The following RSU1 variants were observed in gnomAD, a reference collection of about 807,000 sequenced individuals.
The protein encoded by RSU1 is Ras suppressor protein 1, also known as rsu-1.
RSU1 carries 26 observed loss-of-function variants against 31.1 expected under a neutral mutation model. The ratio of observed to expected loss-of-function variants is 0.84; its 90% CI spans 0.61 to 1.16. The LOEUF (loss-of-function observed/expected upper bound fraction) is 1.16, where lower values mean the gene tolerates loss of function less well. Ranked by LOEUF, RSU1 falls within the 50% of genes most tolerant of loss-of-function variation. The pLI is 0.00. For synonymous variants in RSU1, 164 were observed against 136.3 expected (o/e 1.20, Z -1.41); for missense variants, 320 against 339.1 (o/e 0.94, Z 0.44).
chr10:16,638,714 G>A (rs915230067), intron 8 of RSU1, among the ~76,000 whole-genome samples: 14 of 152,288 alleles, frequency 9.2e-5, no homozygotes, highest in East Asian at 3.9e-4. Flanking sequence ...GCTCAATCTC[G>A]TCCATATAAC....
chr10:16,759,597 A>T (rs1225405055), intron 4 of RSU1, among the ~76,000 whole-genome samples: 10 of 152,248 alleles, frequency 6.6e-5, no homozygotes, highest in African/African-American at 2.4e-4. Context: ...AAGCTCTAGC[A>T]ACAAACGAGG....
intron 7 of RSU1, among the ~76,000 whole-genome samples, chr10:16,709,725 T>C (rs1311352214): frequency 2.0e-5 from 3 of 152,222 alleles, no homozygotes; most frequent in African/African-American, 4.8e-5. Flanking sequence ...GTGGTTTTGA[T>C]TTGCATTTCT....
chr10:16,594,339 A>C (rs1396976576), intron 8 of RSU1, among the ~76,000 whole-genome samples: 1 of 151,874 alleles, frequency 6.6e-6, no homozygotes, highest in Non-Finnish European at 1.5e-5. Context: ...CAGCTCCAGC[A>C]TCCACACAAG....
intron 7 of RSU1, among the ~76,000 whole-genome samples, chr10:16,736,715 T>C (rs1836635657): frequency 6.6e-6 from 1 of 151,668 alleles, no homozygotes; most frequent in Non-Finnish European, 1.5e-5. Context: ...GAAAAATCCA[T>C]CAATGCAAAC....
intron 8 of RSU1, among the ~76,000 whole-genome samples, chr10:16,693,050 C>T (rs1835595674): frequency 6.6e-6 from 1 of 152,176 alleles, no homozygotes; most frequent in African/African-American, 2.4e-5. Context: ...GCAACCTCTG[C>T]CTCCCTGGCT....
chr10:16,793,471 C>T (rs927364952), intron 2 of RSU1, among the ~76,000 whole-genome samples: 1 of 152,060 alleles, frequency 6.6e-6, no homozygotes, highest in Non-Finnish European at 1.5e-5. Flanking sequence ...TCCATCAGGA[C>T]ATTAAGGAGA....
chr10:16,730,964 T>C (rs977114357), intron 7 of RSU1, among the ~76,000 whole-genome samples: 6 of 151,950 alleles, frequency 3.9e-5, no homozygotes, highest in Non-Finnish European at 8.8e-5. Flanking sequence ...GCTGGGATTA[T>C]AGATGCCCGC....
At chr10:16,685,537 A>G (rs778385696) in intron 8 of RSU1, among the ~76,000 whole-genome samples, 2 of 151,244 alleles carry the variant, frequency 1.3e-5, no homozygotes, top group Non-Finnish European at 2.9e-5. Flanking sequence ...TCTAGACCAT[A>G]TAGGGTAACT....
At chr10:16,629,215 G>A (rs1834207716) in intron 8 of RSU1, among the ~76,000 whole-genome samples, 1 of 152,162 alleles carries the variant, frequency 6.6e-6, no homozygotes, top group African/African-American at 2.4e-5. Context: ...TGGGGCCTCA[G>A]ACTCTGCATT....
chr10:16,679,870 T>G (rs12780918), intron 8 of RSU1, among the ~76,000 whole-genome samples: 1 of 11,718 alleles, frequency 8.5e-5, no homozygotes, highest in Non-Finnish European at 1.9e-4. Context: ...AAGACTCAAG[T>G]TTTTTTTTTT....
chr10:16,806,232 C>T (rs1482422957), intron 2 of RSU1, among the ~76,000 whole-genome samples: 1 of 152,068 alleles, frequency 6.6e-6, no homozygotes, highest in African/African-American at 2.4e-5. Flanking sequence ...AATCATTAGC[C>T]CAGACAGGAC....
intron 7 of RSU1, chr10:16,723,044 A>T (rs1181401219): frequency 6.7e-6 from 1 of 148,310 alleles, no homozygotes; most frequent in Non-Finnish European, 1.5e-5. Flanking sequence ...GTATATAGAC[A>T]TACATACACA....
intron 7 of RSU1, among the ~76,000 whole-genome samples, chr10:16,720,234 A>T (rs1365530096): frequency 2.6e-5 from 4 of 152,246 alleles, no homozygotes; most frequent in African/African-American, 9.6e-5. Context: ...CAACTGGCTG[A>T]TTATCCCTAA....
chr10:16,816,485 G>C (rs1012041825), intron 2 of RSU1, among the ~76,000 whole-genome samples: 2 of 152,184 alleles, frequency 1.3e-5, no homozygotes, highest in African/African-American at 4.8e-5. Context: ...CACAGCATGA[G>C]GAGGTGACAA....
At chr10:16,769,402 G>C (rs1837378246) in intron 3 of RSU1, among the ~76,000 whole-genome samples, 1 of 152,222 alleles carries the variant, frequency 6.6e-6, no homozygotes, top group Non-Finnish European at 1.5e-5. Flanking sequence ...CCCATTTCAA[G>C]AGCTTGACAG....
chr10:16,814,275 AC>A (rs1838475192), intron 2 of RSU1, among the ~76,000 whole-genome samples: 1 of 151,978 alleles, frequency 6.6e-6, no homozygotes, highest in Non-Finnish European at 1.5e-5. Context: ...CCCCATCTCT[AC>A]AAAGAAATAA....
At chr10:16,681,945 G>C (rs919175928) in intron 8 of RSU1, among the ~76,000 whole-genome samples, 4 of 151,994 alleles carry the variant, frequency 2.6e-5, no homozygotes, top group East Asian at 1.9e-4. Context: ...TTTCACGGAA[G>C]AGTCACTGTG....
intron 2 of RSU1, 124 bp downstream of exon 2, chr10:16,816,849 G>T (rs577274093): frequency 7.4e-6 from 5 of 679,176 alleles, no homozygotes; most frequent in African/African-American, 3.5e-5. Context: ...CCTGACAAGT[G>T]AGGTTTACAA....
At position 16,752,715 on chromosome 10, in the gene RSU1, C is replaced by T. The variant is rs1837004293; in HGVS notation, c.484-62G>A. 9 of 1,276,678 alleles carry T rather than the reference C, an allele frequency of 7.0e-6. No homozygotes were observed. In the Admixed American group the frequency reaches 1.6e-4, roughly 22 times the overall value. 79.1% of individuals were successfully genotyped at this position (1,276,678 alleles called of 1,614,324 possible). On this transcript the variant is annotated intron_variant, in intron 6 of 8. Transcript: ENST00000345264. ...CATTAAAAGGTGCTCCACAGAAACT[C>T]TCATCCTCTATGTCCTCTCTTCTAC...
Sources: gnomAD v4.1 joint callset for allele counts (sites outside exome capture counted in the v4.1 genomes callset) on GRCh38, gnomAD v4.1.1 for gene constraint, MANE v1.5 for transcripts, NCBI Gene and HGNC (gene_info 2026-07-23, HGNC 2026-07-21) for gene names.